ZFR2: variants seen among roughly 807,000 people sequenced by gnomAD.
The protein encoded by ZFR2 is zinc finger RNA binding protein 2, also known as zinc finger RNA-binding protein 2.
ZFR2 carries 104 observed loss-of-function variants against 105.7 expected under a neutral mutation model. The observed-to-expected ratio is 0.98, with a 90% CI of 0.84 to 1.16. The LOEUF is 1.16. Among genes scored for constraint, ZFR2 ranks in the 50% most tolerant of loss-of-function variants. ZFR2 has a pLI of 0.00. For synonymous variants in ZFR2, 634 were observed against 597.7 expected, an observed-to-expected ratio of 1.06 and a Z score of -0.89; for missense variants, 1,425 against 1,355.5, an observed-to-expected ratio of 1.05 and a Z score of -0.80.
intron 1 of ZFR2, chr19:3,852,420 A>G (rs1204482020): frequency 8.4e-6 from 6 of 713,700 alleles, no homozygotes; most frequent in Admixed American, 6.1e-5. Context: ...TCTTCTCCTT[A>G]TATCTCCTCC....
In ZFR2 at chr19:3,823,674, C is replaced by CTTG. The variant is rs1462004547; in HGVS notation, c.1214-272_1214-271insCAA. Among the ~76,000 whole-genome samples the CTTG allele has an allele frequency of 1.3e-5, 2 of 152,216 alleles. No individual in the cohort carries two copies. The highest frequency in any genetic ancestry group is 2.9e-5 in the Non-Finnish European group (2 of 68,048). On this transcript the variant is annotated intron_variant, in intron 7 of 18. Coordinates refer to ENST00000262961, the MANE Select transcript of ZFR2 (RefSeq NM_015174.2). This position sits in a 1 kb window ranked among gnomAD's most constrained non-coding sequence, Gnocchi z 5.4. Reference sequence around the variant, plus strand: ...CCTCGCTTGAGGAACCCACCGACAGCACAAAATCCACAGTTAATAGACCAT... The same window carrying CTTG: ...CCTCGCTTGAGGAACCCACCGACAGCTTGACAAAATCCACAGTTAATAGACCAT...
At chr19:3,859,590 G>C (rs2038349011) in intron 1 of ZFR2, among the ~76,000 whole-genome samples, 1 of 152,248 alleles carries the variant, frequency 6.6e-6, no homozygotes, top group Non-Finnish European at 1.5e-5. Flanking sequence ...GGCGCGGTGG[G>C]TCTGCGACTG....
At chr19:3,822,030 G>A (rs1055577810) in intron 9 of ZFR2, 51 bp downstream of exon 9, 14 of 1,531,614 alleles carry the variant, frequency 9.1e-6, no homozygotes, top group South Asian at 7.1e-5. Context: ...AGCGCCCGCC[G>A]GGCCCTAGCA....
At position 3,819,167 on chromosome 19, in the gene ZFR2, C is replaced by T. The variant is rs558923847; in HGVS notation, c.1809G>A (p.Thr603=). ...TCTGCACGGCCAGGAGCTCCTGCTC[C>T]GTGGGGTAGATGGTGGCGTGCTTGC... ...VMCKHATIYP[T]EQELLAVQRA... is the part of the protein sequence containing the mutation. The change falls in exon 12 of 19, where the codon ACG becomes ACA. Residue 603 remains threonine (T), a synonymous_variant. Coordinates refer to ENST00000262961, the MANE Select transcript of ZFR2 (RefSeq NM_015174.2). The T allele has an allele frequency of 1.4e-4, 226 of 1,601,080 alleles. No homozygotes were observed. In the South Asian group the frequency reaches 2.3e-3, roughly 16 times the overall value.
chr19:3,858,430 A>C lies in ZFR2; in HGVS notation c.53+10535T>G, dbSNP rs2038333210. Among the ~76,000 whole-genome samples, 1 of 151,918 alleles carries C rather than the reference A, an allele frequency of 6.6e-6. No homozygotes were observed. The highest frequency in any genetic ancestry group is 1.5e-5 in the Non-Finnish European group (1 of 67,970). Reference sequence around the variant, plus strand: ...CTCAATGGGAACACACACACACAAAACCCCCCAAAACATTTAGAGTCCAAG... The same window carrying C: ...CTCAATGGGAACACACACACACAAACCCCCCCAAAACATTTAGAGTCCAAG... On this transcript the variant is annotated intron_variant, in intron 1 of 18. Transcript: ENST00000262961. This position sits in a 1 kb window ranked among gnomAD's most constrained non-coding sequence, Gnocchi z 4.3.
intron 1 of ZFR2, among the ~76,000 whole-genome samples, chr19:3,847,348 A>G (rs2038194313): frequency 6.6e-6 from 1 of 152,058 alleles, no homozygotes; most frequent in Admixed American, 6.6e-5. Context: ...ACATGGTGAA[A>G]GCCCATCTCT....
chr19:3,807,669 A>C (rs975013017), intron 17 of ZFR2, among the ~76,000 whole-genome samples: 1 of 143,564 alleles, frequency 7.0e-6, no homozygotes, highest in African/African-American at 2.6e-5. Flanking sequence ...GTGTGCACCC[A>C]TGTCGGTGTG....
chr19:3,852,257 A>AGG (rs769514087), intron 1 of ZFR2: 5 of 532,878 alleles, frequency 9.4e-6, no homozygotes, highest in Non-Finnish European at 1.7e-5. Flanking sequence ...TCCTGGCCAG[A>AGG]TGGGGCTCAG....
At position 3,832,021 on chromosome 19, in the gene ZFR2, G is replaced by T. The variant is rs1407026118; in HGVS notation, c.380-143C>A. 1.7e-5 allele frequency: 10 copies of T among 595,446 alleles called. No homozygotes were observed. The African/African-American group carries it at 1.7e-4, about 10-fold the overall frequency. 36.9% of individuals were successfully genotyped at this position (595,446 alleles called of 1,614,324 possible). ...GGCCAGAGCCTTGGGCCAGGTGCTG[G>T]CAGCGACTCGCAGGTTACCTTGTGC... On this transcript the variant is annotated intron_variant, in intron 3 of 18. Transcript: ENST00000262961.
At chr19:3,814,077 C>T in intron 13 of ZFR2, 119 bp from the exon 14 acceptor site, 5 of 1,460,240 alleles carry the variant, frequency 3.4e-6, no homozygotes, top group Non-Finnish European at 4.6e-6. Flanking sequence ...CACTTGCTGC[C>T]TGGGTGCCGG....
chr19:3,835,490 C>CATT (rs57533924), intron 1 of ZFR2, among the ~76,000 whole-genome samples: 16 of 143,668 alleles, frequency 1.1e-4, no homozygotes, highest in African/African-American at 3.6e-4. Flanking sequence ...CACGCCCAGC[C>CATT]TTTTTTTTTT....
intron 1 of ZFR2, among the ~76,000 whole-genome samples, chr19:3,845,031 G>GATCC: frequency 1.3e-5 from 2 of 152,088 alleles, no homozygotes; most frequent in South Asian, 4.1e-4. Flanking sequence ...CACAGTTCTG[G>GATCC]AGCGTGGATG....
In ZFR2 at chr19:3,868,987, G is replaced by A; in HGVS notation, c.31C>T (p.Gln11Ter). 7.3e-7 allele frequency: 1 copy of A among 1,377,076 alleles called. No homozygotes were observed. Among genetic ancestry groups the A allele is most frequent in the Non-Finnish European group, 9.5e-7 (1 of 1,055,342 alleles). The allele number at this position is 1,377,076 out of a possible 1,614,324, so 85.3% of individuals were successfully genotyped here. A position where few individuals can be genotyped will look rare whatever the true frequency, so the allele number is the denominator to read the frequency against. Reference sequence around the variant, plus strand: ...TACCTGTACTGCGGGCCGCCGCCCTGCGCGAAGTCGAAATACTGACTCGTC... The same window carrying A: ...TACCTGTACTGCGGGCCGCCGCCCTACGCGAAGTCGAAATACTGACTCGTC... MATSQYFDFA[Q>*]GGGPQYSAQP... Residue 11 changes from glutamine (Q) to a stop codon, truncating the protein, a stop_gained, in exon 1 of 19, where the codon CAG becomes TAG. Coordinates refer to ENST00000262961, the MANE Select transcript of ZFR2 (RefSeq NM_015174.2). LOFTEE classifies it high-confidence loss of function.
chr19:3,846,910 CTG>C (rs1314944775), intron 1 of ZFR2, among the ~76,000 whole-genome samples: 1 of 152,240 alleles, frequency 6.6e-6, no homozygotes, highest in African/African-American at 2.4e-5. Context: ...GCTTTAAACA[CTG>C]TGTCTGTGGA....
chr19:3,850,943 T>G (rs1444239575), intron 1 of ZFR2, among the ~76,000 whole-genome samples: 6 of 142,712 alleles, frequency 4.2e-5, no homozygotes, highest in African/African-American at 1.6e-4. Context: ...GCAGTGCACA[T>G]GGACAGAGAA....
intron 12 of ZFR2, 85 bp from the exon 13 acceptor site, chr19:3,816,930 C>G: frequency 7.8e-7 from 1 of 1,288,948 alleles, no homozygotes. Context: ...TACGGGGACC[C>G]TGCAAGTTAC....
intron 1 of ZFR2, among the ~76,000 whole-genome samples, chr19:3,839,536 CAAAAAAAAAAAAAAAAAAAAAAAAAAA>C (rs60712587): frequency 1.9e-4 from 7 of 36,642 alleles, no homozygotes; most frequent in Admixed American, 9.5e-4. Flanking sequence ...GGGATTCTGT[CAAAAAAAAAAAAAAAAAAAAAAAAAAA>C]AAAAAAAAAA....
rs2038332307 is a variant in ZFR2 at position 3,858,328 on chromosome 19, C to T, written c.53+10637G>A. Among the ~76,000 whole-genome samples, 1 of 152,140 alleles carries T rather than the reference C, an allele frequency of 6.6e-6. No individual in the cohort carries two copies. Among genetic ancestry groups the T allele is most frequent in the Admixed American group, 6.6e-5 (1 of 15,256 alleles). On this transcript the variant is annotated intron_variant, in intron 1 of 18. Coordinates refer to ENST00000262961, the MANE Select transcript of ZFR2 (RefSeq NM_015174.2). This position sits in a 1 kb window ranked among gnomAD's most constrained non-coding sequence, Gnocchi z 4.3. The stretch of plus-strand genomic sequence containing the variant: ...CAGATAGAGGCAGGTGGCGAAATGT[C>T]TTAGGGACAGCCAGGAAGATGGGTC...
At chr19:3,806,967 C>T (rs923296602) in intron 18 of ZFR2, among the ~76,000 whole-genome samples, 1 of 152,184 alleles carries the variant, frequency 6.6e-6, no homozygotes, top group Non-Finnish European at 1.5e-5. Context: ...GTGGCTTTGG[C>T]TCTCAGCTGC....
Sources: allele counts gnomAD v4.1 joint callset (sites outside exome capture counted in the v4.1 genomes callset), GRCh38; gene constraint gnomAD v4.1.1; non-coding constraint Gnocchi (gnomAD v3.1); transcripts MANE v1.5; gene names NCBI Gene and HGNC (gene_info 2026-07-23, HGNC 2026-07-21).